The following ACOT1 variants were observed in gnomAD, a reference collection of about 807,000 sequenced individuals.
The protein encoded by ACOT1 is acyl-CoA thioesterase 1.
A neutral mutation model predicts 15.7 loss-of-function variants in ACOT1; 8 were observed. The observed-to-expected ratio is 0.51, with a 90% CI of 0.30 to 0.92. The LOEUF (loss-of-function observed/expected upper bound fraction) is 0.92. ACOT1 is among the 40% of genes least tolerant of loss of function. ACOT1 has a pLI of 0.06. For synonymous variants in ACOT1, 67 were observed against 241.2 expected, an observed-to-expected ratio of 0.28 and a Z score of 6.69; for missense variants, 151 against 539.4, an observed-to-expected ratio of 0.28 and a Z score of 7.13.
At chr14:73,490,963 C>G in the ACOT1 span, 4,737 of 1,295,204 alleles carry the variant, frequency 3.7e-3, 122 homozygotes, top group African/African-American at 0.056. Context: ...CATTCAGGAA[C>G]CGCTTTAGCT....
the ACOT1 span, among the ~76,000 whole-genome samples, chr14:73,505,890 CTTTTTTTTTTT>C: frequency 8.8e-6 from 1 of 113,324 alleles, no homozygotes; most frequent in African/African-American, 3.3e-5. Flanking sequence ...ATAAACGTTT[CTTTTTTTTTTT>C]TTTTTTTGAG....
chr14:73,493,015 T>TTC, the ACOT1 span: 172 of 1,572,500 alleles, frequency 1.1e-4, no homozygotes, highest in Non-Finnish European at 1.3e-4. Context: ...TTTTTTTTTT[T>TTC]CCTTAAACTC....
the ACOT1 span, among the ~76,000 whole-genome samples, chr14:73,506,804 G>T: frequency 8.8e-3 from 710 of 80,280 alleles, no homozygotes; most frequent in East Asian, 0.023. Flanking sequence ...GACTTTAACT[G>T]TTTTTTTTTT....
the ACOT1 span, among the ~76,000 whole-genome samples, chr14:73,525,999 A>G: frequency 6.6e-6 from 1 of 151,474 alleles, no homozygotes; most frequent in Non-Finnish European, 1.5e-5. Flanking sequence ...AAATCAGGTG[A>G]GTGATCACAG....
chr14:73,523,016 A>T, the ACOT1 span: 1 of 1,614,088 alleles, frequency 6.2e-7, no homozygotes, highest in East Asian at 2.2e-5. Context: ...GACCATAGGC[A>T]CACTGGAGAC....
At chr14:73,500,041 AAC>A in the ACOT1 span, among the ~76,000 whole-genome samples, 2 of 152,196 alleles carry the variant, frequency 1.3e-5, no homozygotes, top group Non-Finnish European at 2.9e-5. Flanking sequence ...CATCCTGGCT[AAC>A]ACGGTGAAAC....
chr14:73,492,294 A>G, the ACOT1 span: 1 of 1,614,024 alleles, frequency 6.2e-7, no homozygotes, highest in Non-Finnish European at 8.5e-7. This position sits in a 1 kb window ranked among gnomAD's most constrained non-coding sequence, Gnocchi z 4.9. Flanking sequence ...TACCAGCGCA[A>G]TACCTGGGGT....
chr14:73,512,098 T>A, the ACOT1 span: 1 of 1,614,102 alleles, frequency 6.2e-7, no homozygotes, highest in South Asian at 1.1e-5. Flanking sequence ...ATCATGCAGG[T>A]CTCCCAAGCT....
chr14:73,523,190 G>C, the ACOT1 span: 1 of 1,521,592 alleles, frequency 6.6e-7, no homozygotes, highest in African/African-American at 1.4e-5. Context: ...ACACTGCCTG[G>C]CCTAGAGGAA....
the ACOT1 span, chr14:73,491,494 G>C: frequency 2.7e-6 from 4 of 1,506,900 alleles, no homozygotes; most frequent in African/African-American, 5.6e-5. Context: ...CGGCCGTCCA[G>C]TCGTCCGGGG....
the ACOT1 span, among the ~76,000 whole-genome samples, chr14:73,519,542 G>C: frequency 2.0e-5 from 3 of 151,902 alleles, no homozygotes; most frequent in African/African-American, 4.8e-5. Flanking sequence ...TCAGGAGTTC[G>C]AGACCAGCCT....
chr14:73,521,068 G>T, the ACOT1 span: 1 of 1,593,988 alleles, frequency 6.3e-7, no homozygotes, highest in South Asian at 1.1e-5. Context: ...GGAGGGAAAA[G>T]GGGGAAAGAG....
chr14:73,496,581 C>T, the ACOT1 span: 36 of 1,534,272 alleles, frequency 2.3e-5, no homozygotes, highest in East Asian at 4.5e-5. Context: ...CTCTTGAGAA[C>T]AGAGCTTGCA....
At chr14:73,502,040 C>T in the ACOT1 span, among the ~76,000 whole-genome samples, 4 of 151,180 alleles carry the variant, frequency 2.6e-5, no homozygotes, top group South Asian at 2.1e-4. Context: ...CCACTGCGCC[C>T]GGCCAATTTT....
rs1395910422 is a variant in ACOT1 at position 73,541,424 on chromosome 14, C to A, written c.458-69C>A. On this transcript the variant is annotated intron_variant, in intron 1 of 2. Transcript: ENST00000311148. ...ACATGTGTGGTAAGTATATGTTTAA[C>A]TTGGTAAGAAACCATCCAACTGTTT... 24 of 1,177,016 alleles carry A rather than the reference C, an allele frequency of 2.0e-5. 9 individuals carry two copies. The East Asian group carries it at 6.3e-4, about 31-fold the overall frequency. The allele number at this position is 1,177,016 out of a possible 1,614,324, so 72.9% of individuals were successfully genotyped here.
the ACOT1 span, chr14:73,500,791 C>A: frequency 1.9e-3 from 2,758 of 1,480,534 alleles, 51 homozygotes; most frequent in African/African-American, 0.035. Flanking sequence ...AACCCCCAAC[C>A]CCCACTAATG....
chr14:73,506,804 GTTTTTTTTTT>G, the ACOT1 span, among the ~76,000 whole-genome samples: 1 of 80,522 alleles, frequency 1.2e-5, no homozygotes, highest in African/African-American at 4.9e-5. Context: ...GACTTTAACT[GTTTTTTTTTT>G]TTTTTTTTTT....
chr14:73,536,006 C>T (rs1460111184), upstream of ACOT1, among the ~76,000 whole-genome samples: 6 of 114,990 alleles, frequency 5.2e-5, no homozygotes, highest in African/African-American at 1.7e-4. Flanking sequence ...TATTATTTAC[C>T]TTCTTTAGTT....
chr14:73,510,158 G>C, the ACOT1 span, among the ~76,000 whole-genome samples: 1 of 151,752 alleles, frequency 6.6e-6, no homozygotes, highest in Non-Finnish European at 1.5e-5. Context: ...ACCGCCCCCA[G>C]CTGAGCCTTT....
Sources: gnomAD v4.1 joint callset for allele counts (sites outside exome capture counted in the v4.1 genomes callset) on GRCh38, gnomAD v4.1.1 for gene constraint, Gnocchi (gnomAD v3.1) non-coding constraint, MANE v1.5 for transcripts, NCBI Gene and HGNC (gene_info 2026-07-23, HGNC 2026-07-21) for gene names.